Variants in CCDC148 observed in about 807,000 individuals in gnomAD.
The protein encoded by CCDC148 is coiled-coil domain containing 148.
In CCDC148, 89 loss-of-function variants were observed where a neutral mutation model predicts 85.7. That is an observed-to-expected ratio of 1.04 (90% CI 0.87 to 1.24). The LOEUF (loss-of-function observed/expected upper bound fraction) is 1.24. CCDC148 is among the 50% of genes most tolerant of loss of function. The pLI is 0.00. For synonymous variants in CCDC148, 230 were observed against 213.9 expected (o/e 1.08, Z -0.66); for missense variants, 692 against 671.7 (o/e 1.03, Z -0.33).
At chr2:158,209,736 T>C (rs1249793777) in intron 11 of CCDC148, among the ~76,000 whole-genome samples, 1 of 152,034 alleles carries the variant, frequency 6.6e-6, no homozygotes, top group Non-Finnish European at 1.5e-5. Flanking sequence ...GAAGGAGAAA[T>C]AAAATCCTTT....
rs753999030 is a variant in CCDC148, at chr2:158,176,544, A to G, written c.1606T>C (p.Leu536=). Residue 536 remains leucine, a synonymous_variant, in exon 13 of 14, where the codon TTG becomes CTG. Transcript: ENST00000283233. Reference sequence around the variant, plus strand: ...ACCTGCTGTTCATTGTATGTATTCAATGTGAAGAGTGGCTTTTGAAGAATA... The same window carrying G: ...ACCTGCTGTTCATTGTATGTATTCAGTGTGAAGAGTGGCTTTTGAAGAATA... ...EFILQKPLFT[L]NTYNEQQIIS... is the part of the protein sequence containing the mutation. 5.0e-6 allele frequency: 8 copies of G among 1,611,992 alleles called. No individual in the cohort carries two copies. The Admixed American group carries it at 1.2e-4, about 24-fold the overall frequency.
intron 1 of CCDC148, among the ~76,000 whole-genome samples, chr2:158,441,403 T>C (rs1687926570): frequency 6.6e-6 from 1 of 152,204 alleles, no homozygotes; most frequent in Admixed American, 6.5e-5. Context: ...TCTAACTAAA[T>C]ATCACACCAA....
At chr2:158,330,257 T>A (rs1241422876) in intron 7 of CCDC148, among the ~76,000 whole-genome samples, 1 of 152,228 alleles carries the variant, frequency 6.6e-6, no homozygotes, top group East Asian at 1.9e-4. Flanking sequence ...CTGCATCTAT[T>A]GAGATAATCA....
At chr2:158,298,461 T>C (rs1227470018) in intron 9 of CCDC148, among the ~76,000 whole-genome samples, 5 of 152,164 alleles carry the variant, frequency 3.3e-5, no homozygotes, top group African/African-American at 1.2e-4. Flanking sequence ...CTCTCTCTTC[T>C]TTTTCTGGAA....
intron 1 of CCDC148, among the ~76,000 whole-genome samples, chr2:158,430,078 G>A (rs887419513): frequency 2.0e-5 from 3 of 152,180 alleles, no homozygotes; most frequent in African/African-American, 4.8e-5. Context: ...GTGCGGAGAC[G>A]AAAGTAGTAC....
intron 9 of CCDC148, among the ~76,000 whole-genome samples, chr2:158,303,203 T>C (rs1003199106): frequency 9.2e-5 from 14 of 152,226 alleles, no homozygotes; most frequent in African/African-American, 2.9e-4. Flanking sequence ...ATGTTTATTA[T>C]AGCTGGCATA....
Position 158,456,631 on chromosome 2 carries a change from G to A in CCDC148, c.-192C>T. On this transcript the variant is annotated 5_prime_UTR_variant, in exon 1 of 14. Coordinates refer to ENST00000283233, the MANE Select transcript of CCDC148 (RefSeq NM_138803.4). ...AGGAAAGCCTGCCCCAGATTTCAGA[G>A]CCAGCGCTGGGGAATCTCCCTGTCC... The A allele has an allele frequency of 1.4e-6, 1 of 691,982 alleles. No individual in the cohort carries two copies. The allele number at this position is 691,982 out of a possible 1,614,324, so 42.9% of individuals were successfully genotyped here.
rs144479306 is a variant in CCDC148, at chr2:158,287,122, C to A, written c.1110+22311G>T. ...CTCGTCAGATCTTGTGAGACTTATTCACCATCACGAGAATAGCACAGGAAA... is the reference window on the plus strand; with the variant it reads ...CTCGTCAGATCTTGTGAGACTTATTAACCATCACGAGAATAGCACAGGAAA... On this transcript the variant is annotated intron_variant, in intron 9 of 13. Transcript: ENST00000283233. 4.2e-4 allele frequency among the ~76,000 whole-genome samples: 64 copies of A among 152,228 alleles called. 1 individual carries two copies. In the East Asian group the frequency reaches 0.012, roughly 28 times the overall value.
intron 1 of CCDC148, among the ~76,000 whole-genome samples, chr2:158,390,412 G>T (rs1432166145): frequency 6.6e-6 from 1 of 152,138 alleles, no homozygotes; most frequent in East Asian, 1.9e-4. Context: ...AGGAAATGAT[G>T]CTGAGAAAGA....
At chr2:158,234,112 G>T (rs915431591) in intron 10 of CCDC148, among the ~76,000 whole-genome samples, 4 of 151,984 alleles carry the variant, frequency 2.6e-5, no homozygotes, top group Non-Finnish European at 5.9e-5. Flanking sequence ...GGAGACAGAG[G>T]TTGTAGCGGG....
chr2:158,225,397 G>T (rs549657974), intron 10 of CCDC148, among the ~76,000 whole-genome samples: 2 of 152,044 alleles, frequency 1.3e-5, no homozygotes, highest in African/African-American at 4.8e-5. Flanking sequence ...ACAGATCAAC[G>T]AGACAGAAAG....
chr2:158,378,674 G>A lies in CCDC148; in HGVS notation c.26-20104C>T, dbSNP rs902002250. ...AGCTGGTGACTTTAAGTTGAAGCCA[G>A]TACTTCTTTACCATTCTGAAAATCC... is the stretch of plus-strand genomic sequence containing the variant. On this transcript the variant is annotated intron_variant, in intron 1 of 13. Coordinates refer to ENST00000283233, the MANE Select transcript of CCDC148 (RefSeq NM_138803.4). 4.6e-5 allele frequency among the ~76,000 whole-genome samples: 7 copies of A among 152,222 alleles called. No homozygotes were observed. The South Asian group carries it at 1.4e-3, about 32-fold the overall frequency.
At chr2:158,408,888 T>C (rs1227026571) in intron 1 of CCDC148, among the ~76,000 whole-genome samples, 6 of 152,060 alleles carry the variant, frequency 3.9e-5, no homozygotes, top group Non-Finnish European at 4.4e-5. Context: ...GAGGTAATAA[T>C]TCATTGTAGT....
At chr2:158,334,807 A>AT (rs1402907525) in intron 7 of CCDC148, among the ~76,000 whole-genome samples, 2 of 151,976 alleles carry the variant, frequency 1.3e-5, no homozygotes, top group African/African-American at 4.8e-5. Context: ...GATTTTAAAA[A>AT]ATATATATAT....
At position 158,313,804 on chromosome 2, in the gene CCDC148, A is replaced by G; in HGVS notation, c.855T>C (p.Tyr285=). The change falls in exon 8 of 14, where the codon TAT becomes TAC. Residue 285 remains tyrosine, a synonymous_variant. Transcript: ENST00000283233. ...PGDLFGRRTL[Y]LDMLQRYFPH... ...GAAAATATCTTTGTAACATGTCCAG[A>G]TACAGAGTCCTTCTTCCAAAGAGAT... 7 of 1,614,052 alleles carry G rather than the reference A, an allele frequency of 4.3e-6. No individual in the cohort carries two copies. Among genetic ancestry groups the G allele is most frequent in the Non-Finnish European group, 5.9e-6 (7 of 1,179,936 alleles).
intron 1 of CCDC148, among the ~76,000 whole-genome samples, chr2:158,402,176 A>T (rs1411625844): frequency 6.6e-6 from 1 of 152,090 alleles, no homozygotes; most frequent in East Asian, 1.9e-4. Flanking sequence ...CTATTTTAAA[A>T]GTAAAGAACA....
At chr2:158,297,111 A>G (rs1290590023) in intron 9 of CCDC148, among the ~76,000 whole-genome samples, 1 of 152,168 alleles carries the variant, frequency 6.6e-6, no homozygotes, top group Non-Finnish European at 1.5e-5. Flanking sequence ...CCACACCAAA[A>G]TACTCATGAA....
At chr2:158,200,538 C>T (rs141413950) in intron 11 of CCDC148, among the ~76,000 whole-genome samples, 205 of 152,332 alleles carry the variant, frequency 1.3e-3, no homozygotes, top group Non-Finnish European at 2.1e-3. Context: ...GGATGGCCCA[C>T]GCAGCCTAAC....
chr2:158,441,776 C>G (rs529360842), intron 1 of CCDC148, among the ~76,000 whole-genome samples: 2 of 152,192 alleles, frequency 1.3e-5, no homozygotes, highest in East Asian at 3.9e-4. Flanking sequence ...AAGTGAAATA[C>G]TCATTGATTT....
Sources: gnomAD v4.1 joint callset for allele counts (sites outside exome capture counted in the v4.1 genomes callset) on GRCh38, gnomAD v4.1.1 for gene constraint, MANE v1.5 for transcripts, NCBI Gene and HGNC (gene_info 2026-07-23, HGNC 2026-07-21) for gene names.